The following GRID2 variants were observed in gnomAD, a reference collection of about 807,000 sequenced individuals.
GRID2 encodes glutamate receptor ionotropic, delta-2.
A neutral mutation model predicts 114.8 loss-of-function variants in GRID2; 33 were observed. The ratio of observed to expected loss-of-function variants is 0.29; its 90% CI spans 0.22 to 0.38. The LOEUF is 0.38. Ranked by LOEUF, GRID2 falls within the 10% of genes least tolerant of loss-of-function variation. The pLI is 1.00. For missense variants in GRID2, 1,184 were observed against 1,257.7 expected (o/e 0.94, Z 0.89); for synonymous variants, 505 against 449.9 (o/e 1.12, Z -1.55).
At chr4:92,673,244 A>G (rs1426687004) in intron 2 of GRID2, among the ~76,000 whole-genome samples, 1 of 152,090 alleles carries the variant, frequency 6.6e-6, no homozygotes, top group African/African-American at 2.4e-5. Flanking sequence ...TACTATATTC[A>G]ATCTTTTGGA....
At chr4:93,098,105 G>A (rs569915079) in intron 3 of GRID2, among the ~76,000 whole-genome samples, 9 of 152,048 alleles carry the variant, frequency 5.9e-5, no homozygotes, top group South Asian at 2.1e-4. Flanking sequence ...AATATGCCAC[G>A]TGTTGTCTTG....
At position 92,601,017 on chromosome 4, in the gene GRID2, G is replaced by A. The variant is rs549250493; in HGVS notation, c.244+10731G>A. ...CTGTTGATCCATGGAGACCACAGCC[G>A]TCCCTCCCCCAAAGGGCTTAACCCC... On this transcript the variant is annotated intron_variant, in intron 2 of 15. Coordinates refer to ENST00000282020, the MANE Select transcript of GRID2 (RefSeq NM_001510.4). 5.9e-5 allele frequency among the ~76,000 whole-genome samples: 9 copies of A among 151,942 alleles called. No homozygotes were observed. In the East Asian group the frequency reaches 1.2e-3, roughly 20 times the overall value.
intron 14 of GRID2, among the ~76,000 whole-genome samples, chr4:93,651,996 C>T (rs1722621797): frequency 6.6e-6 from 1 of 150,832 alleles, no homozygotes; most frequent in Non-Finnish European, 1.5e-5. Flanking sequence ...ATCAGGAAAG[C>T]TTCCTAGTGG....
chr4:92,330,027 A>AGAGAGAGAGAGAGAGAGAGAGAG (rs1726801813), intron 1 of GRID2, among the ~76,000 whole-genome samples: 2 of 63,870 alleles, frequency 3.1e-5, no homozygotes, highest in African/African-American at 1.2e-4. Context: ...GAGAGAGAGA[A>AGAGAGAGAGAGAGAGAGAGAGAG]ACATGCTAGA....
intron 3 of GRID2, among the ~76,000 whole-genome samples, chr4:93,095,994 C>T (rs1731194586): frequency 6.6e-6 from 1 of 151,864 alleles, no homozygotes; most frequent in Non-Finnish European, 1.5e-5. Context: ...GACTTCAAGG[C>T]TTTTTTGATA....
intron 1 of GRID2, among the ~76,000 whole-genome samples, chr4:92,336,571 C>T (rs1026951409): frequency 4.6e-5 from 7 of 152,198 alleles, no homozygotes; most frequent in African/African-American, 1.7e-4. Flanking sequence ...ACTACCCCTA[C>T]TCACCTATTC....
intron 13 of GRID2, among the ~76,000 whole-genome samples, chr4:93,598,862 G>A (rs1410030830): frequency 6.6e-6 from 1 of 152,028 alleles, no homozygotes; most frequent in Non-Finnish European, 1.5e-5. Context: ...AGCAAGAATT[G>A]TATAAAATGT....
intron 1 of GRID2, among the ~76,000 whole-genome samples, chr4:92,551,745 A>T (rs563749672): frequency 6.6e-6 from 1 of 152,174 alleles, no homozygotes; most frequent in South Asian, 2.1e-4. Context: ...TCAGACAATT[A>T]TAAACATGTT....
At chr4:93,215,907 T>C (rs1744156704) in intron 5 of GRID2, among the ~76,000 whole-genome samples, 1 of 152,088 alleles carries the variant, frequency 6.6e-6, no homozygotes, top group East Asian at 1.9e-4. Context: ...CAATAGTATG[T>C]TAATTACAAA....
chr4:92,809,245 C>A (rs1740555287), intron 2 of GRID2, among the ~76,000 whole-genome samples: 1 of 151,692 alleles, frequency 6.6e-6, no homozygotes, highest in Non-Finnish European at 1.5e-5. Context: ...AGCCACTTTG[C>A]AAATAAAAAT....
chr4:93,003,998 G>C (rs1023430177), intron 2 of GRID2, among the ~76,000 whole-genome samples: 2 of 151,880 alleles, frequency 1.3e-5, no homozygotes, highest in Non-Finnish European at 2.9e-5. Context: ...ACAATACTTA[G>C]TGTGACTATT....
At chr4:93,497,962 T>G (rs1727710229) in intron 12 of GRID2, among the ~76,000 whole-genome samples, 1 of 151,844 alleles carries the variant, frequency 6.6e-6, no homozygotes, top group Admixed American at 6.6e-5. Context: ...TAAACATATG[T>G]CTCCCCACTT....
chr4:92,545,730 G>A (rs1189015328), intron 1 of GRID2, among the ~76,000 whole-genome samples: 1 of 152,106 alleles, frequency 6.6e-6, no homozygotes, highest in Non-Finnish European at 1.5e-5. Context: ...TTATGTAACA[G>A]ATAAAGTGGG....
At chr4:93,649,517 A>C (rs1245557907) in intron 14 of GRID2, among the ~76,000 whole-genome samples, 2 of 152,176 alleles carry the variant, frequency 1.3e-5, no homozygotes, top group Non-Finnish European at 2.9e-5. Context: ...TTTTCACTTA[A>C]AGAAGGAAAA....
At chr4:93,580,774 G>T (rs17020805) in intron 13 of GRID2, among the ~76,000 whole-genome samples, 6,180 of 150,258 alleles carry the variant, frequency 0.041, 159 homozygotes, top group African/African-American at 0.07. Flanking sequence ...CTTTTTTTTG[G>T]TATTGGTAAG....
chr4:92,676,262 G>GT (rs1560526470), intron 2 of GRID2, among the ~76,000 whole-genome samples: 1 of 149,570 alleles, frequency 6.7e-6, no homozygotes, highest in Non-Finnish European at 1.5e-5. Flanking sequence ...CTCACTGCAA[G>GT]TCCGCCTCCC....
At chr4:93,249,990 A>G (rs1481395155) in intron 8 of GRID2, among the ~76,000 whole-genome samples, 1 of 152,178 alleles carries the variant, frequency 6.6e-6, no homozygotes, top group Non-Finnish European at 1.5e-5. Flanking sequence ...CAATCCCATT[A>G]CTGGGTATAT....
At chr4:93,656,368 T>TG (rs1402370174) in intron 14 of GRID2, among the ~76,000 whole-genome samples, 1 of 152,042 alleles carries the variant, frequency 6.6e-6, no homozygotes, top group Non-Finnish European at 1.5e-5. Flanking sequence ...GTGTAAAGAT[T>TG]GGGGGACAAG....
chr4:92,325,251 A>G (rs1316813414), intron 1 of GRID2, among the ~76,000 whole-genome samples: 2 of 151,846 alleles, frequency 1.3e-5, no homozygotes, highest in African/African-American at 4.8e-5. Context: ...TCTTTACCGT[A>G]GTGTTTTTAT....
Sources: gnomAD v4.1 joint callset for allele counts (sites outside exome capture counted in the v4.1 genomes callset) on GRCh38, gnomAD v4.1.1 for gene constraint, MANE v1.5 for transcripts, NCBI Gene and HGNC (gene_info 2026-07-23, HGNC 2026-07-21) for gene names.